Variants in CS observed in about 807,000 individuals in gnomAD.
The protein encoded by CS is citrate synthase, mitochondrial.
Under a neutral mutation model 61.4 loss-of-function variants are expected in CS, and 13 were observed. The ratio of observed to expected loss-of-function variants is 0.21; its 90% CI spans 0.14 to 0.34. The LOEUF (loss-of-function observed/expected upper bound fraction) is 0.34, where lower values mean the gene tolerates loss of function less well. Among genes scored for constraint, CS ranks in the 10% least tolerant of loss-of-function variants. The pLI, the probability that CS is intolerant of heterozygous loss-of-function variation, is 1.00. For missense variants in CS, 278 were observed against 573.4 expected (o/e 0.48, Z 5.26); for synonymous variants, 159 against 215.2 (o/e 0.74, Z 2.29).
chr12:56,282,702 G>C, intron 5 of CS, 94 bp from the exon 6 acceptor site: 5 of 1,522,286 alleles, frequency 3.3e-6, no homozygotes, highest in Non-Finnish European at 4.4e-6. Context: ...GAAAACCCAA[G>C]AGAGGTCAAC....
In CS at chr12:56,286,620, G is replaced by A. The variant is rs749750659; in HGVS notation, c.68C>T (p.Ala23Val). ...TKNASCLVLAARHASASSTNL... is the reference protein window; with the variant it reads ...TKNASCLVLAVRHASASSTNL... ...CGTGGAGGAAGCACTGGCATGCCGG[G>A]CTGCAAGAACAAGACAAGATGCATT... The change falls in exon 2 of 11, where the codon GCC becomes GTC. Residue 23 changes from alanine (A) to valine (V), a missense_variant. By Grantham distance (64) the Ala-to-Val change is moderately conservative. This residue lies in a region of CS where 55 missense variants were observed against 69.9 expected (regional missense o/e 0.79). Transcript: ENST00000351328. The A allele has an allele frequency of 6.2e-7, 1 of 1,613,992 alleles. No individual in the cohort carries two copies. Among genetic ancestry groups the A allele is most frequent in the East Asian group, 2.2e-5 (1 of 44,872 alleles).
chr12:56,290,415 GT>G (rs1354073777), intron 1 of CS, among the ~76,000 whole-genome samples: 4 of 152,110 alleles, frequency 2.6e-5, no homozygotes, highest in African/African-American at 9.6e-5. Flanking sequence ...GTTTCACTAT[GT>G]TGGCCAGACT....
intron 6 of CS, among the ~76,000 whole-genome samples, chr12:56,278,631 G>C (rs1166979635): frequency 6.6e-6 from 1 of 151,848 alleles, no homozygotes; most frequent in African/African-American, 2.4e-5. Context: ...CAGCTACTCG[G>C]GAGGCCAAGG....
At chr12:56,295,826 C>G (rs1300926058) in intron 1 of CS, among the ~76,000 whole-genome samples, 1 of 148,658 alleles carries the variant, frequency 6.7e-6, no homozygotes, top group African/African-American at 2.5e-5. Context: ...AGGTGGTGGG[C>G]GCCTACAGTC....
chr12:56,286,275 T>C, intron 2 of CS: 2 of 556,440 alleles, frequency 3.6e-6, no homozygotes, highest in Non-Finnish European at 6.4e-6. Flanking sequence ...CACAATAATG[T>C]AAACATATCT....
chr12:56,274,943 A>C, intron 8 of CS, 59 bp downstream of exon 8: 1 of 1,609,666 alleles, frequency 6.2e-7, no homozygotes, highest in Non-Finnish European at 8.5e-7. Context: ...TGCCAAGATC[A>C]GAAACAAAGC....
chr12:56,273,475 T>C lies in CS; in HGVS notation c.1230+112A>G, dbSNP rs76237876. 322 of 1,155,146 alleles carry C rather than the reference T, an allele frequency of 2.8e-4. No individual in the cohort carries two copies. In the African/African-American group the frequency reaches 4.3e-3, roughly 15 times the overall value. 71.6% of individuals were successfully genotyped at this position (1,155,146 alleles called of 1,614,324 possible). ...CCTCTCATAGTCAACTTTATCAAAA[T>C]GCTCTGTGAGGGAAGTCCCTGCTCT... On this transcript the variant is annotated intron_variant, in intron 10 of 10. Transcript: ENST00000351328.
intron 1 of CS, among the ~76,000 whole-genome samples, chr12:56,290,058 T>A (rs1414727031): frequency 4.0e-5 from 6 of 151,832 alleles, no homozygotes; most frequent in African/African-American, 1.5e-4. Context: ...CATGCCCAGC[T>A]AATTTTTGTA....
intron 1 of CS, among the ~76,000 whole-genome samples, chr12:56,288,346 A>ATTTTTTTT (rs1164867172): frequency 2.4e-5 from 3 of 123,162 alleles, no homozygotes; most frequent in Non-Finnish European, 3.4e-5. Context: ...GCTTTTTAGA[A>ATTTTTTTT]TTTTTTTTTT....
At chr12:56,291,168 G>C (rs2135923272) in intron 1 of CS, 1 of 950,482 alleles carries the variant, frequency 1.1e-6, no homozygotes, top group African/African-American at 1.8e-5. Flanking sequence ...TTTGTGCATA[G>C]CTGAATTCAG....
intron 1 of CS, among the ~76,000 whole-genome samples, chr12:56,296,437 C>A (rs565616267): frequency 1.8e-4 from 28 of 152,072 alleles, no homozygotes; most frequent in African/African-American, 6.7e-4. Flanking sequence ...GCCCCACCCC[C>A]CAAAAAAAAC....
At chr12:56,273,321 A>G (rs1872557102) in intron 10 of CS, 67 bp from the exon 11 acceptor site, 2 of 1,493,520 alleles carry the variant, frequency 1.3e-6, no homozygotes, top group South Asian at 2.4e-5. Flanking sequence ...GTCCTAGGTG[A>G]TAGAAACCTT....
intron 6 of CS, among the ~76,000 whole-genome samples, chr12:56,277,222 G>A (rs1432086377): frequency 3.4e-5 from 5 of 147,280 alleles, no homozygotes; most frequent in Admixed American, 1.4e-4. Flanking sequence ...AAAAGGGGTC[G>A]GGCACAGTGG....
chr12:56,292,236 A>T (rs925593446), intron 1 of CS, among the ~76,000 whole-genome samples: 1 of 151,740 alleles, frequency 6.6e-6, no homozygotes, highest in Admixed American at 6.6e-5. Flanking sequence ...TCTCTATTAA[A>T]AAATACAAAA....
At chr12:56,288,736 A>G (rs1031822804) in intron 1 of CS, among the ~76,000 whole-genome samples, 1 of 151,568 alleles carries the variant, frequency 6.6e-6, no homozygotes, top group Non-Finnish European at 1.5e-5. Context: ...GTAGCCTTCA[A>G]TTCCTGGGCT....
In CS at chr12:56,276,171, G is replaced by C; in HGVS notation, c.613C>G (p.Leu205Val). ...GCAACACAAGGTAGCTTTGCGATTA[G>C]ATCCATAGAGTCTTCATAAATCAAC... is the stretch of plus-strand genomic sequence containing the variant. ...WELIYEDSMD[L>V]IAKLPCVAAK... Residue 205 changes from leucine (L) to valine (V), a missense_variant, in exon 7 of 11, where the codon CTA becomes GTA. Leu to Val is a conservative substitution (Grantham distance 32). Coordinates refer to ENST00000351328, the MANE Select transcript of CS (RefSeq NM_004077.3). 1 of 1,614,022 alleles carries C rather than the reference G, an allele frequency of 6.2e-7. No homozygotes were observed.
chr12:56,285,172 C>G (rs965149044), intron 3 of CS: 2 of 328,530 alleles, frequency 6.1e-6, no homozygotes, highest in Non-Finnish European at 1.3e-5. Flanking sequence ...TCTCGAACTC[C>G]TGACCTCAGA....
chr12:56,287,935 G>A (rs1872994099), intron 1 of CS, among the ~76,000 whole-genome samples: 1 of 152,126 alleles, frequency 6.6e-6, no homozygotes, highest in African/African-American at 2.4e-5. Flanking sequence ...TGGGATTACA[G>A]GCGTAAGCCA....
intron 6 of CS, among the ~76,000 whole-genome samples, chr12:56,278,167 G>A (rs898353866): frequency 6.6e-5 from 10 of 152,074 alleles, no homozygotes; most frequent in African/African-American, 2.4e-4. Flanking sequence ...GTCTCACCCT[G>A]TCGCCCAGGC....
Sources: gnomAD v4.1 joint callset for allele counts (sites outside exome capture counted in the v4.1 genomes callset) on GRCh38, gnomAD v4.1.1 for gene constraint, gnomAD v4.1.1 regional missense constraint, MANE v1.5 for transcripts, NCBI Gene and HGNC (gene_info 2026-07-23, HGNC 2026-07-21) for gene names.